The following FXR1 variants were observed in gnomAD, a reference collection of about 807,000 sequenced individuals.
FXR1 encodes the protein RNA-binding protein FXR1.
Under a neutral mutation model 84.0 loss-of-function variants are expected in FXR1, and 15 were observed. The observed-to-expected ratio is 0.18, with a 90% CI of 0.12 to 0.27. FXR1 has a LOEUF of 0.27. FXR1 is among the 10% of genes least tolerant of loss of function. The pLI is 1.00. For missense variants in FXR1, 480 were observed against 774.4 expected (o/e 0.62, Z 4.51); for synonymous variants, 245 against 250.7 (o/e 0.98, Z 0.21).
At chr3:180,936,158 C>G (rs566166333) in intron 3 of FXR1, among the ~76,000 whole-genome samples, 1 of 150,596 alleles carries the variant, frequency 6.6e-6, no homozygotes, top group African/African-American at 2.4e-5. Context: ...CCCCAAAATG[C>G]TGGGATTACA....
chr3:180,971,208 T>A, intron 15 of FXR1: 1 of 568,288 alleles, frequency 1.8e-6, no homozygotes, highest in Non-Finnish European at 2.5e-6. Context: ...GAAAAAAATG[T>A]CTATGTCTGC....
intron 15 of FXR1, among the ~76,000 whole-genome samples, chr3:180,972,829 C>G (rs1452376444): frequency 6.6e-6 from 1 of 152,120 alleles, no homozygotes; most frequent in Non-Finnish European, 1.5e-5. Flanking sequence ...GCCCCTTCTC[C>G]CAAAAGATAG....
At position 180,923,997 on chromosome 3, in the gene FXR1, C is replaced by T. The variant is rs1245171099; in HGVS notation, c.52-9337C>T. 3.3e-5 allele frequency among the ~76,000 whole-genome samples: 5 copies of T among 151,938 alleles called. No individual in the cohort carries two copies. The East Asian group carries it at 7.8e-4, about 24-fold the overall frequency. ...TTTTTGAGACAGAGTCTTGCTCTGT[C>T]GCCCAGGCTGGAGTGCAGTGGCGTG... is the stretch of plus-strand genomic sequence containing the variant. On this transcript the variant is annotated intron_variant, in intron 1 of 16. Transcript: ENST00000357559.
chr3:180,970,383 A>ATATATATATATAT (rs1713377257), intron 15 of FXR1, 25 bp downstream of exon 15: 1 of 366,380 alleles, frequency 2.7e-6, no homozygotes, highest in Non-Finnish European at 5.3e-6. Context: ...AGGGAAGAGA[A>ATATATATATATAT]ATATATATAT....
chr3:180,961,474 G>A lies in FXR1; in HGVS notation c.997G>A (p.Val333Ile). 1 of 1,506,876 alleles carries A rather than the reference G, an allele frequency of 6.6e-7. No individual in the cohort carries two copies. The highest frequency in any genetic ancestry group is 9.2e-7 in the Non-Finnish European group (1 of 1,088,098). 93.3% of individuals were successfully genotyped at this position (1,506,876 alleles called of 1,614,324 possible). A position where few individuals can be genotyped will look rare whatever the true frequency, so the allele number is the denominator to read the frequency against. The change falls in exon 11 of 17, where the codon GTT becomes ATT. Residue 333 changes from valine to isoleucine, a missense_variant. Transcript: ENST00000357559. ...ENKLPREDGMVPFVFVGTKES... is the reference protein window; with the variant it reads ...ENKLPREDGMIPFVFVGTKES... ...TTTTTTTTTTTTTAAACAGGGTATG[G>A]TTCCATTTGTATTTGTTGGCACTAA... is the stretch of plus-strand genomic sequence containing the variant.
At chr3:180,945,249 A>G (rs1721575918) in intron 3 of FXR1, among the ~76,000 whole-genome samples, 1 of 152,228 alleles carries the variant, frequency 6.6e-6, no homozygotes, top group Non-Finnish European at 1.5e-5. Context: ...TAGCACATTT[A>G]GTCAGTTGGA....
chr3:180,922,688 T>C (rs1395241945), intron 1 of FXR1, among the ~76,000 whole-genome samples: 1 of 152,166 alleles, frequency 6.6e-6, no homozygotes, highest in Non-Finnish European at 1.5e-5. Context: ...TCATGGCTCA[T>C]TGCAGTCTTG....
chr3:180,971,078 A>T (rs948104775), intron 15 of FXR1: 11 of 1,225,780 alleles, frequency 9.0e-6, no homozygotes, highest in Admixed American at 2.6e-5. Flanking sequence ...ATTACAGATG[A>T]TAGTGAAAAA....
intron 1 of FXR1, among the ~76,000 whole-genome samples, chr3:180,926,760 C>T (rs1719278428): frequency 6.6e-6 from 1 of 151,520 alleles, no homozygotes; most frequent in South Asian, 2.1e-4. Context: ...TTGTTTACTC[C>T]TTTATAAGGA....
At position 180,970,284 on chromosome 3, in the gene FXR1, G is replaced by C; in HGVS notation, c.1529G>C (p.Arg510Thr). ...CGTCGTAGGCGGTCTCGTAGACGAA[G>C]GACTGATGAAGATGCTGTTCTGATG... ...TNRRRRSRRRRTDEDAVLMDG... is the reference protein window; with the variant it reads ...TNRRRRSRRRTTDEDAVLMDG... The change falls in exon 15 of 17, where the codon AGG becomes ACG. Residue 510 changes from arginine to threonine, a missense_variant. Arg to Thr is a moderately conservative substitution (Grantham distance 71, BLOSUM62 -1). Transcript: ENST00000357559. 4 of 1,605,620 alleles carry C rather than the reference G, an allele frequency of 2.5e-6. No individual in the cohort carries two copies. The highest frequency in any genetic ancestry group is 3.4e-6 in the Non-Finnish European group (4 of 1,173,570).
chr3:180,939,983 C>T (rs1720944515), intron 3 of FXR1, among the ~76,000 whole-genome samples: 1 of 152,170 alleles, frequency 6.6e-6, no homozygotes, highest in South Asian at 2.1e-4. Context: ...ATGGTTTACA[C>T]TAACATTTTG....
chr3:180,976,186 C>G lies in FXR1; in HGVS notation c.1760C>G (p.Ser587Cys). 6.2e-7 allele frequency: 1 copy of G among 1,612,914 alleles called. No individual in the cohort carries two copies. The highest frequency in any genetic ancestry group is 8.5e-7 in the Non-Finnish European group (1 of 1,178,992). The change falls in exon 17 of 17, where the codon TCT (serine) becomes TGT (cysteine). Residue 587 changes from serine (S) to cysteine (C), a missense_variant. By Grantham distance (112) the Ser-to-Cys change is moderately radical. Around this residue, in one of 6 missense-constraint regions of FXR1, gnomAD observed 94 missense variants for 81.8 expected, o/e 1.15. Coordinates refer to ENST00000357559, the MANE Select transcript of FXR1 (RefSeq NM_005087.4). ...EKAINGPTSA[S>C]GDDISKLQRT... is the part of the protein sequence containing the mutation. ...GCAATAAACGGCCCAACTAGTGCTT[C>G]TGGCGATGACATTTCTAAGCTACAG... is the stretch of plus-strand genomic sequence containing the variant.
chr3:180,949,457 G>T, intron 7 of FXR1, 114 bp downstream of exon 7: 1 of 707,230 alleles, frequency 1.4e-6, no homozygotes, highest in Non-Finnish European at 2.6e-6. Context: ...CACAATCTTG[G>T]CTTACTGCAA....
At chr3:180,968,563 T>C (rs1241315291) in intron 14 of FXR1, among the ~76,000 whole-genome samples, 3 of 152,148 alleles carry the variant, frequency 2.0e-5, no homozygotes, top group African/African-American at 7.2e-5. Context: ...TTCCCTAGAA[T>C]TTTGGGGTTA....
chr3:180,946,808 G>A (rs1721740560), intron 3 of FXR1, among the ~76,000 whole-genome samples: 1 of 152,190 alleles, frequency 6.6e-6, no homozygotes, highest in Admixed American at 6.5e-5. Context: ...GCTGTTAACA[G>A]CCACTGATAG....
intron 1 of FXR1, among the ~76,000 whole-genome samples, chr3:180,931,928 A>G (rs996016707): frequency 1.3e-5 from 2 of 151,262 alleles, no homozygotes; most frequent in East Asian, 1.9e-4. Context: ...TTTGGTAGAG[A>G]TGGGATTCCA....
chr3:180,943,607 C>A (rs1376356837), intron 3 of FXR1, among the ~76,000 whole-genome samples: 2 of 152,072 alleles, frequency 1.3e-5, no homozygotes, highest in African/African-American at 4.8e-5. Flanking sequence ...TAGGTTTAGT[C>A]ACTTTATGAG....
chr3:180,970,167 A>G lies in FXR1; in HGVS notation c.1412A>G (p.Asp471Gly), dbSNP rs755689250. Residue 471 changes from aspartate (D) to glycine (G), a missense_variant, in exon 15 of 17, where the codon GAT becomes GGT. This residue lies in a region of FXR1 where 157 missense variants were observed against 227.8 expected (regional missense o/e 0.69). Transcript: ENST00000357559. ...TCTGACATGAATATAGTGCTCAAAG[A>G]TCCAGACAGCAATCCATACAGCTTA... ...GKSSISSVLKDPDSNPYSLLD... is the reference protein window; with the variant it reads ...GKSSISSVLKGPDSNPYSLLD... 6.3e-7 allele frequency: 1 copy of G among 1,588,802 alleles called. No individual in the cohort carries two copies. The highest frequency in any genetic ancestry group is 8.6e-7 in the Non-Finnish European group (1 of 1,157,438).
chr3:180,958,199 C>A (rs747676588), intron 10 of FXR1, among the ~76,000 whole-genome samples: 1 of 151,950 alleles, frequency 6.6e-6, no homozygotes. Flanking sequence ...ATTTTTCATA[C>A]GTAGAGTGTA....
Sources: gnomAD v4.1 joint callset for allele counts (sites outside exome capture counted in the v4.1 genomes callset) on GRCh38, gnomAD v4.1.1 for gene constraint, gnomAD v4.1.1 regional missense constraint, MANE v1.5 for transcripts, NCBI Gene and HGNC (gene_info 2026-07-23, HGNC 2026-07-21) for gene names.